Variants in BTD observed in about 807,000 individuals in gnomAD.
The protein encoded by BTD is biotinidase.
In BTD, 13 loss-of-function variants were observed where a neutral mutation model predicts 17.7. The observed-to-expected ratio is 0.74, with a 90% CI of 0.48 to 1.17. The LOEUF (loss-of-function observed/expected upper bound fraction) is 1.17. Ranked by LOEUF, BTD falls within the 50% of genes most tolerant of loss-of-function variation. The probability of loss-of-function intolerance (pLI) is 0.00; values close to 1 mark genes in which losing one functional copy is unlikely to be tolerated. For missense variants in BTD, 674 were observed against 650.4 expected, an observed-to-expected ratio of 1.04 and a Z score of -0.39; for synonymous variants, 240 against 245.2, an observed-to-expected ratio of 0.98 and a Z score of 0.20.
chr3:15,677,875 G>A (rs1362091250), intron 3 of BTD, among the ~76,000 whole-genome samples: 1 of 152,080 alleles, frequency 6.6e-6, no homozygotes, highest in Non-Finnish European at 1.5e-5. Flanking sequence ...AACACACCAA[G>A]TAGATACTGT....
chr3:15,661,829 T>G (rs2125541875), intron 3 of BTD, among the ~76,000 whole-genome samples: 1 of 152,380 alleles, frequency 6.6e-6, no homozygotes, highest in Admixed American at 6.5e-5. Flanking sequence ...GTGTCTAGAT[T>G]CACTTTTTGC....
chr3:15,718,056 A>G (rs546947700), intron 4 of BTD, among the ~76,000 whole-genome samples: 1 of 152,298 alleles, frequency 6.6e-6, no homozygotes, highest in South Asian at 2.1e-4. Flanking sequence ...GTGTCCCCAT[A>G]GTCAATCAAT....
chr3:15,685,230 G>A, intron 3 of BTD: 3 of 1,613,752 alleles, frequency 1.9e-6, no homozygotes, highest in Non-Finnish European at 2.5e-6. Flanking sequence ...CTTAACCATT[G>A]TAGCAAGCCC....
chr3:15,697,923 C>G (rs1399584832), intron 3 of BTD, among the ~76,000 whole-genome samples: 1 of 152,108 alleles, frequency 6.6e-6, no homozygotes, highest in African/African-American at 2.4e-5. Flanking sequence ...TGTTATTTGT[C>G]TATTCAGAGA....
chr3:15,601,500 C>G (rs1458843574), upstream of BTD: 1 of 1,610,202 alleles, frequency 6.2e-7, no homozygotes, highest in Non-Finnish European at 8.5e-7. Context: ...ACGCAGCCGG[C>G]AAACAAGCGG....
chr3:15,658,333 CCT>C (rs1350905329), downstream of BTD, among the ~76,000 whole-genome samples: 27 of 152,298 alleles, frequency 1.8e-4, no homozygotes, highest in South Asian at 8.3e-4. Flanking sequence ...GTTTCAGCCC[CCT>C]GATGGCTATT....
intron 3 of BTD, among the ~76,000 whole-genome samples, chr3:15,673,346 A>T (rs571609121): frequency 6.6e-6 from 1 of 152,208 alleles, no homozygotes; most frequent in Non-Finnish European, 1.5e-5. Flanking sequence ...ATATCATCAG[A>T]AGTTAGTACA....
chr3:15,644,409 A>T lies in BTD; in HGVS notation c.493A>T (p.Arg165Trp). 1 of 1,614,152 alleles carries T rather than the reference A, an allele frequency of 6.2e-7. No individual in the cohort carries two copies. Among genetic ancestry groups the T allele is most frequent in the East Asian group, 2.2e-5 (1 of 44,884 alleles). ...GGAGCCTTGTCATAGCAGTGACCCA[A>T]GGTGCCCAAAAGATGGGAGATACCA... is the stretch of plus-strand genomic sequence containing the variant. Reference protein sequence around the residue: ...TKEPCHSSDPRCPKDGRYQFN... With the variant: ...TKEPCHSSDPWCPKDGRYQFN... Residue 165 changes from arginine (R) to tryptophan (W), a missense_variant, in exon 4 of 4, where the codon AGG becomes TGG. Physicochemically the swap from Arg to Trp is moderately radical, Grantham distance 101. Coordinates refer to ENST00000643237, the MANE Select transcript of BTD (RefSeq NM_001370658.1).
chr3:15,614,121 CTTTCTTTT>C (rs2064719794), intron 1 of BTD, among the ~76,000 whole-genome samples: 1 of 131,726 alleles, frequency 7.6e-6, no homozygotes, highest in East Asian at 2.1e-4. Flanking sequence ...CTCTTTCTTT[CTTTCTTTT>C]TTTTTTTTTT....
chr3:15,713,703 A>G, downstream of BTD: 1 of 1,041,300 alleles, frequency 9.6e-7, no homozygotes, highest in Non-Finnish European at 1.4e-6. Flanking sequence ...AACGTACTAC[A>G]TGAAAAGTAA....
chr3:15,644,879 A>G lies in BTD; in HGVS notation c.963A>G (p.Pro321=), dbSNP rs1313683563. The G allele has an allele frequency of 1.2e-6, 2 of 1,614,196 alleles. No individual in the cohort carries two copies. Among genetic ancestry groups the G allele is most frequent in the Non-Finnish European group, 8.5e-7 (1 of 1,180,034 alleles). ...HLIIAQVAKN[P]VGLIGAENAT... is the part of the protein sequence containing the mutation. ...TAATTGCCCAGGTGGCCAAAAATCC[A>G]GTGGGTCTCATTGGTGCAGAGAATG... Residue 321 remains proline, a synonymous_variant, in exon 4 of 4, where the codon CCA becomes CCG. Transcript: ENST00000643237.
rs1030953378 is a variant in BTD at position 15,648,852 on chromosome 3, A to G, written c.*3364A>G. 6.6e-6 allele frequency among the ~76,000 whole-genome samples: 1 copy of G among 151,638 alleles called. No homozygotes were observed. The highest frequency in any genetic ancestry group is 2.4e-5 in the African/African-American group (1 of 41,244). On this transcript the variant is annotated 3_prime_UTR_variant, in exon 4 of 4. Coordinates refer to ENST00000643237, the MANE Select transcript of BTD (RefSeq NM_001370658.1). ...GAGGAGAAGACACACACACAGGGAG[A>G]AGATGACCATGTGACAACAGGGGCA...
At position 15,635,721 on chromosome 3, in the gene BTD, C is replaced by T. The variant is rs1647022045; in HGVS notation, c.249+33C>T. ...TGCTCCTCGGAACCTGAGTTTCTCTCATACAGAGCAGATTGCTCTTTACCC... is the reference window on the plus strand; with the variant it reads ...TGCTCCTCGGAACCTGAGTTTCTCTTATACAGAGCAGATTGCTCTTTACCC... On this transcript the variant is annotated intron_variant, in intron 2 of 3. Transcript: ENST00000643237. The surrounding 1 kb of genome is among the most constrained non-coding windows in gnomAD (Gnocchi z 4.1). 6.2e-7 allele frequency: 1 copy of T among 1,613,544 alleles called. No individual in the cohort carries two copies. Among genetic ancestry groups the T allele is most frequent in the Admixed American group, 1.7e-5 (1 of 59,998 alleles).
At position 15,644,353 on chromosome 3, in the gene BTD, A is replaced by G; in HGVS notation, c.437A>G (p.Asp146Gly). 1 of 1,613,596 alleles carries G rather than the reference A, an allele frequency of 6.2e-7. No homozygotes were observed. The highest frequency in any genetic ancestry group is 8.5e-7 in the Non-Finnish European group (1 of 1,179,924). ...QRLSCMAIRG[D>G]MFLVANLGTK... ...CTGAGTTGTATGGCCATCAGGGGAG[A>G]TATGTTCTTGGTGGCCAATCTTGGG... Residue 146 changes from aspartate to glycine, a missense_variant, in exon 4 of 4, where the codon GAT (aspartate) becomes GGT (glycine). Coordinates refer to ENST00000643237, the MANE Select transcript of BTD (RefSeq NM_001370658.1).
chr3:15,689,917 T>G, intron 3 of BTD: 2 of 1,123,742 alleles, frequency 1.8e-6, no homozygotes, highest in Non-Finnish European at 2.4e-6. Flanking sequence ...AAAAAAAAGG[T>G]CAAAATTTTA....
At chr3:15,685,022 C>A in intron 3 of BTD, 1 of 584,254 alleles carries the variant, frequency 1.7e-6, no homozygotes, top group Non-Finnish European at 3.0e-6. Flanking sequence ...TCTCAGAACA[C>A]CTTTGACAAC....
At chr3:15,626,862 C>A (rs147458905) in intron 1 of BTD, among the ~76,000 whole-genome samples, 260 of 151,880 alleles carry the variant, frequency 1.7e-3, no homozygotes, top group Middle Eastern at 3.4e-3. Context: ...TACTGAGACT[C>A]TAGATGGCAC....
chr3:15,601,547 G>A (rs754576234), upstream of BTD: 161 of 1,604,426 alleles, frequency 1.0e-4, no homozygotes, highest in African/African-American at 8.9e-4. Flanking sequence ...TCGGCAGCAC[G>A]CCACCTCTGG....
At chr3:15,681,797 G>C (rs143615037) in intron 3 of BTD, among the ~76,000 whole-genome samples, 456 of 152,204 alleles carry the variant, frequency 3.0e-3, no homozygotes, top group African/African-American at 8.0e-3. Context: ...AGACATTTTT[G>C]TTTATCACAA....
Sources: allele counts gnomAD v4.1 joint callset (sites outside exome capture counted in the v4.1 genomes callset), GRCh38; gene constraint gnomAD v4.1.1; non-coding constraint Gnocchi (gnomAD v3.1); transcripts MANE v1.5; gene names NCBI Gene and HGNC (gene_info 2026-07-23, HGNC 2026-07-21).